Variants in NRG3 observed in about 807,000 individuals in gnomAD.
NRG3 encodes the protein pro-neuregulin-3, membrane-bound isoform.
In NRG3, 31 loss-of-function variants were observed where a neutral mutation model predicts 66.9. That is an observed-to-expected ratio of 0.46 (90% confidence interval 0.35 to 0.63). The LOEUF (loss-of-function observed/expected upper bound fraction) is 0.63, where lower values mean the gene tolerates loss of function less well. Ranked by LOEUF, NRG3 falls within the 20% of genes least tolerant of loss-of-function variation. NRG3 has a pLI of 0.00. For missense variants in NRG3, 910 were observed against 878.9 expected (o/e 1.04, Z -0.45); for synonymous variants, 393 against 359.4 (o/e 1.09, Z -1.06).
intron 1 of NRG3, among the ~76,000 whole-genome samples, chr10:81,903,989 TA>T (rs1564645298): frequency 1.9e-4 from 24 of 126,688 alleles, no homozygotes; most frequent in South Asian, 7.5e-4. Context: ...TATATATATA[TA>T]TATATATTTT....
intron 3 of NRG3, among the ~76,000 whole-genome samples, chr10:82,825,014 TTG>T (rs1206883980): frequency 6.6e-6 from 1 of 152,092 alleles, no homozygotes; most frequent in Non-Finnish European, 1.5e-5. Flanking sequence ...ACCCAGTCAG[TTG>T]GTCATTTTTT....
At chr10:82,096,164 C>T (rs75319233) in intron 1 of NRG3, among the ~76,000 whole-genome samples, 2,997 of 152,120 alleles carry the variant, frequency 0.02, 48 homozygotes, top group Non-Finnish European at 0.027. Context: ...AGAAAATTTT[C>T]GATACTTTAT....
At chr10:82,266,932 C>T (rs898102252) in intron 1 of NRG3, among the ~76,000 whole-genome samples, 1 of 152,158 alleles carries the variant, frequency 6.6e-6, no homozygotes, top group Admixed American at 6.6e-5. Context: ...TGCTCCTGTT[C>T]TAGAGTCTAG....
intron 1 of NRG3, among the ~76,000 whole-genome samples, chr10:81,949,970 A>G (rs1359810318): frequency 6.6e-6 from 1 of 152,190 alleles, no homozygotes; most frequent in East Asian, 1.9e-4. Context: ...GCTGCACTGA[A>G]GGCCACATCT....
intron 4 of NRG3, among the ~76,000 whole-genome samples, chr10:82,922,226 A>C (rs1846496251): frequency 6.6e-6 from 1 of 152,076 alleles, no homozygotes; most frequent in Non-Finnish European, 1.5e-5. Flanking sequence ...CTACAATTTC[A>C]GTTTTGAAAC....
chr10:82,405,873 A>G (rs1337639088), intron 2 of NRG3, among the ~76,000 whole-genome samples: 1 of 152,170 alleles, frequency 6.6e-6, no homozygotes, highest in Non-Finnish European at 1.5e-5. Context: ...GGTTTGAGAA[A>G]GTTTTTCTCT....
At chr10:82,031,256 T>G (rs2062555281) in intron 1 of NRG3, among the ~76,000 whole-genome samples, 1 of 152,148 alleles carries the variant, frequency 6.6e-6, no homozygotes, top group Non-Finnish European at 1.5e-5. Flanking sequence ...GCACTGTTAT[T>G]CCCACGAACC....
At chr10:82,485,503 G>T (rs776540492) in intron 2 of NRG3, among the ~76,000 whole-genome samples, 2 of 149,062 alleles carry the variant, frequency 1.3e-5, no homozygotes, top group African/African-American at 2.5e-5. Context: ...TAGGATTTTC[G>T]AAGGGTAATC....
intron 1 of NRG3, among the ~76,000 whole-genome samples, chr10:82,020,727 C>T (rs2062021015): frequency 6.6e-6 from 1 of 152,126 alleles, no homozygotes; most frequent in Non-Finnish European, 1.5e-5. Flanking sequence ...TTCAACCCCT[C>T]ATTGCTAATT....
chr10:82,920,887 C>A (rs1258426388), intron 4 of NRG3, among the ~76,000 whole-genome samples: 1 of 151,896 alleles, frequency 6.6e-6, no homozygotes, highest in African/African-American at 2.4e-5. Flanking sequence ...AAAAATGATT[C>A]CATAAGTAAA....
intron 1 of NRG3, among the ~76,000 whole-genome samples, chr10:82,080,921 C>G (rs1199262424): frequency 1.3e-5 from 2 of 152,132 alleles, no homozygotes; most frequent in African/African-American, 4.8e-5. Flanking sequence ...CCCCAACATC[C>G]CCAGCCTTGG....
chr10:82,624,637 C>G (rs188458615), intron 2 of NRG3, among the ~76,000 whole-genome samples: 8 of 150,578 alleles, frequency 5.3e-5, no homozygotes, highest in Admixed American at 3.3e-4. Flanking sequence ...AACTTTTATT[C>G]CAGGAAATTA....
chr10:81,968,635 T>G (rs565412523), intron 1 of NRG3, among the ~76,000 whole-genome samples: 54 of 152,318 alleles, frequency 3.5e-4, no homozygotes, highest in African/African-American at 1.2e-3. Context: ...CATACTTTAT[T>G]TAACAACTTT....
chr10:82,297,579 C>G (rs964560982), intron 1 of NRG3, among the ~76,000 whole-genome samples: 2 of 152,076 alleles, frequency 1.3e-5, no homozygotes, highest in African/African-American at 4.8e-5. Context: ...ACTAAATTCA[C>G]CCATAAGAAA....
intron 1 of NRG3, among the ~76,000 whole-genome samples, chr10:82,233,234 A>G (rs756976051): frequency 6.6e-5 from 10 of 152,278 alleles, no homozygotes; most frequent in South Asian, 4.1e-4. Flanking sequence ...GCATGGTGGT[A>G]GGCACCTGTA....
chr10:82,482,454 A>G lies in NRG3; in HGVS notation c.953+123586A>G, dbSNP rs542778295. On this transcript the variant is annotated intron_variant, in intron 2 of 8. Transcript: ENST00000372141. ...TGAAATCACAAAGATTTTGTGGTAT[A>G]GTGATAAGAGCTGTAAGATTTGGGT... 2.6e-5 allele frequency among the ~76,000 whole-genome samples: 4 copies of G among 152,310 alleles called. No individual in the cohort carries two copies. The South Asian group carries it at 6.2e-4, about 24-fold the overall frequency.
intron 2 of NRG3, among the ~76,000 whole-genome samples, chr10:82,465,779 G>T (rs1213844738): frequency 6.6e-6 from 1 of 152,120 alleles, no homozygotes; most frequent in Non-Finnish European, 1.5e-5. Flanking sequence ...CACTGGTTGT[G>T]GGGTAGAGCC....
chr10:82,797,128 C>A (rs1265122596), intron 3 of NRG3, among the ~76,000 whole-genome samples: 1 of 152,106 alleles, frequency 6.6e-6, no homozygotes, highest in Non-Finnish European at 1.5e-5. Context: ...TACTCCATTG[C>A]GTTCGACACT....
intron 1 of NRG3, among the ~76,000 whole-genome samples, chr10:81,963,682 G>A (rs923041406): frequency 6.6e-6 from 1 of 152,134 alleles, no homozygotes; most frequent in African/African-American, 2.4e-5. Flanking sequence ...TTTACACGAC[G>A]GGACACACGT....
Sources: gnomAD v4.1 joint callset for allele counts (sites outside exome capture counted in the v4.1 genomes callset) on GRCh38, gnomAD v4.1.1 for gene constraint, MANE v1.5 for transcripts, NCBI Gene and HGNC (gene_info 2026-07-23, HGNC 2026-07-21) for gene names.